The following APPL2 variants were observed in gnomAD, a reference collection of about 807,000 sequenced individuals.
The protein encoded by APPL2 is DCC-interacting protein 13-beta.
APPL2 carries 84 observed loss-of-function variants against 92.7 expected under a neutral mutation model. The observed-to-expected ratio is 0.91, with a 90% confidence interval of 0.76 to 1.09. The LOEUF is 1.09. APPL2 is among the 50% of genes least tolerant of loss of function. The pLI is 0.00. For synonymous variants in APPL2, 291 were observed against 291.0 expected, an observed-to-expected ratio of 1.00 and a Z score of 0.00; for missense variants, 736 against 824.5, an observed-to-expected ratio of 0.89 and a Z score of 1.31.
intron 4 of APPL2, among the ~76,000 whole-genome samples, chr12:105,214,937 AT>A (rs1889553471): frequency 1.3e-5 from 2 of 152,230 alleles, no homozygotes; most frequent in Admixed American, 1.3e-4. Context: ...CTTCCAGGTC[AT>A]TAAAACACCT....
intron 2 of APPL2, among the ~76,000 whole-genome samples, chr12:105,225,400 C>A (rs1032801111): frequency 2.0e-5 from 3 of 152,128 alleles, no homozygotes; most frequent in African/African-American, 7.2e-5. Flanking sequence ...AAGCCCCTAA[C>A]AAATCCATTT....
At chr12:105,220,446 T>G (rs1054579765) in intron 2 of APPL2, among the ~76,000 whole-genome samples, 2 of 152,224 alleles carry the variant, frequency 1.3e-5, no homozygotes, top group African/African-American at 4.8e-5. Context: ...TGATCCTGCT[T>G]TGTCATCAGA....
At position 105,228,590 on chromosome 12, in the gene APPL2, T is replaced by C. The variant is rs573742708; in HGVS notation, c.153+535A>G. On this transcript the variant is annotated intron_variant, in intron 2 of 20. Coordinates refer to ENST00000258530, the MANE Select transcript of APPL2 (RefSeq NM_018171.5). ...AGAAAGCAACATACATGGGCACTTC[T>C]TGACATTAAAAAGATTCACTTTTGC... Among the ~76,000 whole-genome samples the C allele has an allele frequency of 3.3e-5, 5 of 152,376 alleles. No individual in the cohort carries two copies. The South Asian group carries it at 8.3e-4, about 25-fold the overall frequency.
chr12:105,210,753 T>C (rs1477142106), intron 5 of APPL2, among the ~76,000 whole-genome samples: 4 of 152,044 alleles, frequency 2.6e-5, no homozygotes, highest in African/African-American at 9.7e-5. Flanking sequence ...CCCCAGAGTC[T>C]AGCACAGAGA....
rs763929438 is a variant in APPL2, at chr12:105,177,229, G to T, written c.1668C>A (p.Ala556=). The T allele has an allele frequency of 6.2e-7, 1 of 1,613,830 alleles. No individual in the cohort carries two copies. Among genetic ancestry groups the T allele is most frequent in the Non-Finnish European group, 8.5e-7 (1 of 1,179,786 alleles). The change falls in exon 18 of 21, where the codon GCC becomes GCA. Residue 556 remains alanine (A), a synonymous_variant. Coordinates refer to ENST00000258530, the MANE Select transcript of APPL2 (RefSeq NM_018171.5). ...TGAACCTGTATGCGGTACTTACATTGGCCCTTGATACTTGAGTCTGTGGAT... is the reference window on the plus strand; with the variant it reads ...TGAACCTGTATGCGGTACTTACATTTGCCCTTGATACTTGAGTCTGTGGAT... ...LIDPQTQVSR[A]NFELTSVTQF...
Position 105,188,474 on chromosome 12 carries a change from A to T in APPL2, c.1460-27T>A, listed in dbSNP as rs1447692844. 5 of 1,611,354 alleles carry T rather than the reference A, an allele frequency of 3.1e-6. No homozygotes were observed. In the East Asian group the frequency reaches 6.7e-5, roughly 22 times the overall value. On this transcript the variant is annotated intron_variant, in intron 16 of 20. Transcript: ENST00000258530. Reference sequence around the variant, plus strand: ...TGGAAGACAGCATTTTCCACTCAGGATCTCATTTACTTCCTGCTGCTGTTG... The same window carrying T: ...TGGAAGACAGCATTTTCCACTCAGGTTCTCATTTACTTCCTGCTGCTGTTG...
chr12:105,201,387 T>C (rs962319695), intron 9 of APPL2, among the ~76,000 whole-genome samples: 1 of 151,982 alleles, frequency 6.6e-6, no homozygotes, highest in Non-Finnish European at 1.5e-5. Context: ...GCTCAGCACA[T>C]AGAACGGGGG....
chr12:105,215,660 C>T (rs1449212972), intron 4 of APPL2, among the ~76,000 whole-genome samples: 1 of 152,172 alleles, frequency 6.6e-6, no homozygotes, highest in African/African-American at 2.4e-5. Context: ...TACTGCAGAT[C>T]AATAACTGGT....
intron 5 of APPL2, among the ~76,000 whole-genome samples, chr12:105,210,512 C>T (rs1889126526): frequency 6.6e-6 from 1 of 152,032 alleles, no homozygotes. Flanking sequence ...ATGTGGAGTC[C>T]CTTTTCTAAC....
intron 11 of APPL2, among the ~76,000 whole-genome samples, 193 bp from the exon 12 acceptor site, chr12:105,195,820 T>C (rs1887591724): frequency 6.6e-6 from 1 of 151,922 alleles, no homozygotes. Context: ...TTTGGGAAGG[T>C]GAGGCAGGAG....
chr12:105,200,860 GTATGTATC>G (rs1362766277), intron 9 of APPL2, among the ~76,000 whole-genome samples: 63 of 112,482 alleles, frequency 5.6e-4, no homozygotes, highest in African/African-American at 2.0e-3. Flanking sequence ...ATGTATGTAT[GTATGTATC>G]TATCTATCTA....
At chr12:105,203,154 C>T (rs188703300) in intron 9 of APPL2, among the ~76,000 whole-genome samples, 3 of 152,276 alleles carry the variant, frequency 2.0e-5, no homozygotes, top group Admixed American at 6.5e-5. Flanking sequence ...CTGCAGGGGC[C>T]GGGGCCCCCC....
At chr12:105,207,663 C>G (rs930316092) in intron 7 of APPL2, among the ~76,000 whole-genome samples, 8 of 152,178 alleles carry the variant, frequency 5.3e-5, no homozygotes, top group Non-Finnish European at 8.8e-5. Flanking sequence ...AGAGTCAACA[C>G]TTGGGGCAAG....
chr12:105,207,324 C>A, intron 7 of APPL2, 117 bp from the exon 8 acceptor site: 2 of 1,039,320 alleles, frequency 1.9e-6, no homozygotes, highest in Non-Finnish European at 2.7e-6. Flanking sequence ...ACAAATATAA[C>A]AAAACACAGA....
intron 14 of APPL2, among the ~76,000 whole-genome samples, chr12:105,191,194 C>T (rs928148935): frequency 6.6e-6 from 1 of 152,182 alleles, no homozygotes; most frequent in African/African-American, 2.4e-5. Context: ...ATGGTCACTG[C>T]AAGGCAAGCC....
rs192872732 is a variant in APPL2, at chr12:105,198,206, A to G, written c.864-253T>C. Among the ~76,000 whole-genome samples, 8 of 152,292 alleles carry G rather than the reference A, an allele frequency of 5.3e-5. No homozygotes were observed. The East Asian group carries it at 1.5e-3, about 29-fold the overall frequency. Reference sequence around the variant, plus strand: ...AGGGCCGACTCCCCGCACCACAGCCACATGCTGACTACTAAACCAGGAGAT... The same window carrying G: ...AGGGCCGACTCCCCGCACCACAGCCGCATGCTGACTACTAAACCAGGAGAT... On this transcript the variant is annotated intron_variant, in intron 10 of 20. Coordinates refer to ENST00000258530, the MANE Select transcript of APPL2 (RefSeq NM_018171.5).
chr12:105,211,777 G>A (rs530731827), intron 4 of APPL2, among the ~76,000 whole-genome samples: 10 of 152,280 alleles, frequency 6.6e-5, no homozygotes, highest in Admixed American at 2.0e-4. Context: ...AAACCTACTC[G>A]CCTGAAAACC....
intron 8 of APPL2, among the ~76,000 whole-genome samples, chr12:105,204,570 C>T (rs1888541018): frequency 6.6e-6 from 1 of 152,164 alleles, no homozygotes; most frequent in African/African-American, 2.4e-5. Context: ...ATCTTTAAAT[C>T]ATACAGAGAT....
At chr12:105,174,876 T>TGG (rs59473626) in intron 20 of APPL2, among the ~76,000 whole-genome samples, 1,687 of 88,888 alleles carry the variant, frequency 0.019, 158 homozygotes, top group African/African-American at 0.06. Flanking sequence ...TTTTTTTTGG[T>TGG]GGGGGGGGGG....
Sources: allele counts gnomAD v4.1 joint callset (sites outside exome capture counted in the v4.1 genomes callset), GRCh38; gene constraint gnomAD v4.1.1; transcripts MANE v1.5; gene names NCBI Gene and HGNC (gene_info 2026-07-23, HGNC 2026-07-21).